FRMD4A: variants seen among roughly 807,000 people sequenced by gnomAD.
FRMD4A encodes FERM domain-containing protein 4A.
A neutral mutation model predicts 129.1 loss-of-function variants in FRMD4A; 29 were observed. The observed-to-expected ratio is 0.22, with a 90% CI of 0.17 to 0.31. The LOEUF (loss-of-function observed/expected upper bound fraction) is 0.31, where lower values mean the gene tolerates loss of function less well. Among genes scored for constraint, FRMD4A ranks in the 10% least tolerant of loss-of-function variants. FRMD4A has a pLI of 1.00. For synonymous variants in FRMD4A, 634 were observed against 571.6 expected (o/e 1.11, Z -1.56); for missense variants, 1,272 against 1,375.8 (o/e 0.92, Z 1.19).
At chr10:14,259,786 C>T (rs1281738692) in intron 2 of FRMD4A, among the ~76,000 whole-genome samples, 11 of 152,226 alleles carry the variant, frequency 7.2e-5, no homozygotes, top group South Asian at 4.2e-4. Flanking sequence ...GTAAGGGACA[C>T]GGCTCATTGT....
intron 2 of FRMD4A, among the ~76,000 whole-genome samples, chr10:14,255,733 C>T (rs1006082862): frequency 1.4e-4 from 21 of 152,022 alleles, no homozygotes; most frequent in Non-Finnish European, 7.4e-5. Flanking sequence ...CCAGGCTGGG[C>T]GGTGGCTCAT....
intron 2 of FRMD4A, among the ~76,000 whole-genome samples, chr10:14,154,781 C>T (rs11258903): frequency 0.08 from 12,158 of 152,222 alleles, 842 homozygotes; most frequent in African/African-American, 0.19. Flanking sequence ...TCTCCTATTG[C>T]TTTTTTCCTA....
At chr10:13,796,355 A>G (rs1302815769) in intron 5 of FRMD4A, 141 bp downstream of exon 5, 7 of 647,590 alleles carry the variant, frequency 1.1e-5, no homozygotes, top group Non-Finnish European at 2.0e-5. Context: ...TCTATGAGGC[A>G]TGCAGCTCTA....
intron 2 of FRMD4A, among the ~76,000 whole-genome samples, chr10:13,984,187 G>A (rs758746275): frequency 1.3e-5 from 2 of 152,112 alleles, no homozygotes; most frequent in African/African-American, 2.4e-5. Context: ...AGATTTCAAA[G>A]CGTTAAAACC....
At chr10:13,884,200 A>ACCCACACT (rs1564971648) in intron 2 of FRMD4A, among the ~76,000 whole-genome samples, 1 of 55,830 alleles carries the variant, frequency 1.8e-5, no homozygotes, top group Non-Finnish European at 3.8e-5. Flanking sequence ...ACACACTCAC[A>ACCCACACT]CACACACTCA....
intron 2 of FRMD4A, among the ~76,000 whole-genome samples, chr10:14,035,338 T>TG (rs1833447512): frequency 6.6e-6 from 1 of 150,748 alleles, no homozygotes; most frequent in African/African-American, 2.4e-5. Flanking sequence ...CATGAATCCG[T>TG]GAGGCTGAGG....
At chr10:14,283,750 A>T (rs1165038070) in intron 2 of FRMD4A, among the ~76,000 whole-genome samples, 1 of 152,242 alleles carries the variant, frequency 6.6e-6, no homozygotes, top group Admixed American at 6.5e-5. Context: ...CCTGTAGGTC[A>T]TTGAATCTGA....
Position 14,017,528 on chromosome 10 carries a change from A to G in FRMD4A, c.46-158616T>C, listed in dbSNP as rs114409889. On this transcript the variant is annotated intron_variant, in intron 2 of 24. Coordinates refer to ENST00000357447, the MANE Select transcript of FRMD4A (RefSeq NM_018027.5). The stretch of plus-strand genomic sequence containing the variant: ...TAGCTCTCAAATTTCAGGTGTCTTA[A>G]TAAGGATTGGGTGGCGAATGATCAA... Among the ~76,000 whole-genome samples the G allele has an allele frequency of 3.4e-3, 523 of 152,342 alleles. 1 individual carries two copies. Among genetic ancestry groups the G allele is most frequent in the African/African-American group, 0.012 (499 of 41,566 alleles).
chr10:13,968,001 C>T (rs1336600040), intron 2 of FRMD4A, among the ~76,000 whole-genome samples: 1 of 152,204 alleles, frequency 6.6e-6, no homozygotes, highest in Non-Finnish European at 1.5e-5. Flanking sequence ...GCCATGATTA[C>T]ACCACTGCAC....
At chr10:13,931,366 C>A (rs1158416281) in intron 2 of FRMD4A, among the ~76,000 whole-genome samples, 1 of 152,108 alleles carries the variant, frequency 6.6e-6, no homozygotes, top group African/African-American at 2.4e-5. Flanking sequence ...GCAAGAGCTG[C>A]AGTTTTAGCA....
intron 2 of FRMD4A, among the ~76,000 whole-genome samples, chr10:13,884,440 T>C (rs917103132): frequency 1.2e-4 from 18 of 152,170 alleles, no homozygotes; most frequent in African/African-American, 4.3e-4. Flanking sequence ...AAGGATGCAA[T>C]TGCCATTCAT....
chr10:13,726,781 G>A (rs1337067705), intron 12 of FRMD4A, among the ~76,000 whole-genome samples: 1 of 152,136 alleles, frequency 6.6e-6, no homozygotes, highest in Non-Finnish European at 1.5e-5. Context: ...TATTTTGTGT[G>A]TGTAGAGATG....
intron 21 of FRMD4A, among the ~76,000 whole-genome samples, chr10:13,657,941 G>C (rs2082313246): frequency 6.6e-6 from 1 of 151,750 alleles, no homozygotes; most frequent in Non-Finnish European, 1.5e-5. Context: ...GGGAATTTGA[G>C]ACCATCCTGT....
intron 19 of FRMD4A, among the ~76,000 whole-genome samples, chr10:13,661,839 C>T (rs745845465): frequency 1.4e-4 from 21 of 152,068 alleles, no homozygotes; most frequent in South Asian, 2.1e-4. Flanking sequence ...ATTCACTTGC[C>T]CCTAAATCCA....
rs556009946 is a variant in FRMD4A, at chr10:13,935,192, A to C, written c.46-76280T>G. 4.6e-5 allele frequency among the ~76,000 whole-genome samples: 7 copies of C among 152,270 alleles called. No homozygotes were observed. The South Asian group carries it at 1.5e-3, about 32-fold the overall frequency. ...GGTGGCTCATGCCTGTAATCCCAGC[A>C]CTTTGGTAGGCTGAGCAGGCGGATC... On this transcript the variant is annotated intron_variant, in intron 2 of 24. Transcript: ENST00000357447.
intron 2 of FRMD4A, among the ~76,000 whole-genome samples, chr10:13,917,768 C>T (rs1298892814): frequency 3.3e-5 from 5 of 152,200 alleles, no homozygotes; most frequent in African/African-American, 1.2e-4. Context: ...AGGTCCCTCT[C>T]TTTGCAACAC....
chr10:14,234,920 CA>C (rs150080190), intron 2 of FRMD4A, among the ~76,000 whole-genome samples: 75 of 152,332 alleles, frequency 4.9e-4, no homozygotes, highest in African/African-American at 1.8e-3. Context: ...TTTTTAGCAT[CA>C]CACTAAAATG....
At chr10:13,669,365 C>T (rs1213321359) in intron 17 of FRMD4A, among the ~76,000 whole-genome samples, 9 of 152,152 alleles carry the variant, frequency 5.9e-5, no homozygotes, top group African/African-American at 1.9e-4. Flanking sequence ...CCACCACGCC[C>T]GGCCACATGA....
intron 2 of FRMD4A, among the ~76,000 whole-genome samples, chr10:14,213,165 G>A (rs1842978047): frequency 6.6e-6 from 1 of 152,134 alleles, no homozygotes; most frequent in South Asian, 2.1e-4. Context: ...GATCACTTGA[G>A]CCTGGGAATT....
Sources: allele counts gnomAD v4.1 joint callset (sites outside exome capture counted in the v4.1 genomes callset), GRCh38; gene constraint gnomAD v4.1.1; transcripts MANE v1.5; gene names NCBI Gene and HGNC (gene_info 2026-07-23, HGNC 2026-07-21).